The following ATP2B4 variants were observed in gnomAD, a reference collection of about 807,000 sequenced individuals.
ATP2B4 encodes plasma membrane calcium-transporting ATPase 4.
In ATP2B4, 39 loss-of-function variants were observed where a neutral mutation model predicts 110.3. The ratio of observed to expected loss-of-function variants is 0.35; its 90% confidence interval spans 0.27 to 0.46. The LOEUF is 0.46. Among genes scored for constraint, ATP2B4 ranks in the 20% least tolerant of loss-of-function variants. The probability of loss-of-function intolerance (pLI) is 1.00; values close to 1 mark genes in which losing one functional copy is unlikely to be tolerated. For missense variants in ATP2B4, 1,135 were observed against 1,530.9 expected (o/e 0.74, Z 4.32); for synonymous variants, 538 against 571.7 (o/e 0.94, Z 0.84).
At chr1:203,630,488 A>C (rs780743864) in intron 1 of ATP2B4, among the ~76,000 whole-genome samples, 15 of 151,332 alleles carry the variant, frequency 9.9e-5, no homozygotes, top group Non-Finnish European at 8.8e-5. Flanking sequence ...AGAGAAAAGG[A>C]TCTTGTTCAT....
intron 10 of ATP2B4, among the ~76,000 whole-genome samples, chr1:203,708,482 C>T (rs867948918): frequency 6.6e-6 from 1 of 152,264 alleles, no homozygotes; most frequent in Middle Eastern, 3.4e-3. Flanking sequence ...ACCAGCACTA[C>T]CACTAGAGCA....
intron 4 of ATP2B4, 23 bp downstream of exon 4, chr1:203,699,740 G>A (rs1299605736): frequency 6.2e-7 from 1 of 1,610,342 alleles, no homozygotes; most frequent in Non-Finnish European, 8.5e-7. Flanking sequence ...TGTTTCTTTT[G>A]CTTACCCCAC....
intron 6 of ATP2B4, 103 bp downstream of exon 6, chr1:203,701,026 C>T: frequency 1.2e-5 from 17 of 1,415,500 alleles, no homozygotes; most frequent in Non-Finnish European, 1.6e-5. Context: ...GAAGAATCTG[C>T]TGCCATGAAG....
intron 1 of ATP2B4, among the ~76,000 whole-genome samples, chr1:203,654,195 G>T (rs186504684): frequency 2.6e-4 from 40 of 151,860 alleles, no homozygotes; most frequent in Admixed American, 2.5e-3. Flanking sequence ...TATTGGTCAG[G>T]CTGGTCTCGA....
intron 20 of ATP2B4, among the ~76,000 whole-genome samples, chr1:203,736,866 G>A (rs147606634): frequency 7.9e-5 from 12 of 152,310 alleles, no homozygotes; most frequent in Non-Finnish European, 1.5e-4. Flanking sequence ...TCTGAGGCCA[G>A]TGCTGGAGTT....
At chr1:203,721,549 A>G in intron 17 of ATP2B4, 139 bp downstream of exon 17, 2 of 792,794 alleles carry the variant, frequency 2.5e-6, no homozygotes, top group Non-Finnish European at 4.0e-6. Flanking sequence ...CTCCCGCTAC[A>G]CGGTGCATTA....
At chr1:203,691,024 C>G (rs1051993142) in intron 2 of ATP2B4, among the ~76,000 whole-genome samples, 3 of 152,166 alleles carry the variant, frequency 2.0e-5, no homozygotes, top group Non-Finnish European at 4.4e-5. Flanking sequence ...CAGGCTCTGC[C>G]AGTTCTTTTC....
chr1:203,683,146 G>A lies in ATP2B4; in HGVS notation c.-60G>A. 6.4e-7 allele frequency: 1 copy of A among 1,557,974 alleles called. No homozygotes were observed. Among genetic ancestry groups the A allele is most frequent in the Non-Finnish European group, 8.7e-7 (1 of 1,148,256 alleles). ...TGAGACAGGGAGGCAGGAGACACTG[G>A]TCAGTTGAAGGGAAACGCTACATCT... On this transcript the variant is annotated 5_prime_UTR_variant, in exon 2 of 21. Coordinates refer to ENST00000357681, the MANE Select transcript of ATP2B4 (RefSeq NM_001684.5).
intron 20 of ATP2B4, chr1:203,733,705 C>T (rs1666800045): frequency 3.1e-6 from 1 of 323,874 alleles, no homozygotes; most frequent in Non-Finnish European, 5.6e-6. Flanking sequence ...TTTGCTTTGC[C>T]TTTTTTGTTT....
intron 4 of ATP2B4, 118 bp from the exon 5 acceptor site, chr1:203,700,088 G>A: frequency 8.0e-7 from 1 of 1,243,766 alleles, no homozygotes; most frequent in Non-Finnish European, 1.1e-6. Flanking sequence ...GGCCATTGCT[G>A]TCTAGATAGG....
At chr1:203,713,576 T>C (rs1181182888) in intron 14 of ATP2B4, among the ~76,000 whole-genome samples, 1 of 152,170 alleles carries the variant, frequency 6.6e-6, no homozygotes, top group Non-Finnish European at 1.5e-5. Context: ...GTGATTCTCC[T>C]GCCTCAGCCT....
At chr1:203,643,992 G>A (rs1055418201) in intron 1 of ATP2B4, among the ~76,000 whole-genome samples, 2 of 152,140 alleles carry the variant, frequency 1.3e-5, no homozygotes, top group African/African-American at 4.8e-5. Flanking sequence ...GCTCATGTTT[G>A]TAATCTCAGC....
At chr1:203,687,520 G>GA (rs1665233968) in intron 2 of ATP2B4, among the ~76,000 whole-genome samples, 2 of 152,328 alleles carry the variant, frequency 1.3e-5, no homozygotes, top group South Asian at 4.1e-4. Context: ...TAAGAATAAA[G>GA]AAATGTACCT....
chr1:203,723,455 TCTCTCC>T (rs1558052450), intron 18 of ATP2B4, among the ~76,000 whole-genome samples: 1 of 135,120 alleles, frequency 7.4e-6, no homozygotes, highest in African/African-American at 3.1e-5. Flanking sequence ...TCTCTCTCTC[TCTCTCC>T]CTCTGCCTCT....
rs116135627 is a variant in ATP2B4, at chr1:203,666,848, G to A, written c.-464-15894G>A. ...GAACCAAACTTCTGTTTGTGGTCTT[G>A]GAAACCATGACAACCTGGCCTAAGA... On this transcript the variant is annotated intron_variant, in intron 1 of 20. Transcript: ENST00000357681. Among the ~76,000 whole-genome samples the A allele has an allele frequency of 7.0e-3, 1,064 of 152,296 alleles. 17 individuals carry two copies. Among genetic ancestry groups the A allele is most frequent in the African/African-American group, 0.024 (993 of 41,542 alleles).
intron 2 of ATP2B4, among the ~76,000 whole-genome samples, chr1:203,692,688 G>C (rs1455794672): frequency 3.3e-5 from 5 of 152,158 alleles, no homozygotes; most frequent in African/African-American, 1.2e-4. Flanking sequence ...CCCTTTCTGG[G>C]GCTGAGCTGG....
intron 2 of ATP2B4, among the ~76,000 whole-genome samples, chr1:203,690,475 T>C (rs556924478): frequency 6.6e-6 from 1 of 152,326 alleles, no homozygotes; most frequent in East Asian, 1.9e-4. Context: ...TAGAGACCGC[T>C]GCTCTAAAGC....
At chr1:203,685,547 A>T (rs993608190) in intron 2 of ATP2B4, among the ~76,000 whole-genome samples, 2 of 152,070 alleles carry the variant, frequency 1.3e-5, no homozygotes, top group Non-Finnish European at 2.9e-5. Context: ...ACTCTTTAGG[A>T]TGAAAAAAGA....
chr1:203,663,101 CT>C (rs2102334587), intron 1 of ATP2B4, among the ~76,000 whole-genome samples: 1 of 152,078 alleles, frequency 6.6e-6, no homozygotes, highest in East Asian at 1.9e-4. Flanking sequence ...ATTTTGTTTC[CT>C]GTTTATATTT....
Sources: gnomAD v4.1 joint callset for allele counts (sites outside exome capture counted in the v4.1 genomes callset) on GRCh38, gnomAD v4.1.1 for gene constraint, MANE v1.5 for transcripts, NCBI Gene and HGNC (gene_info 2026-07-23, HGNC 2026-07-21) for gene names.